Variants in ZNF521 observed in about 807,000 individuals in gnomAD.
ZNF521 encodes LYST-interacting protein 3.
In ZNF521, 14 loss-of-function variants were observed where a neutral mutation model predicts 105.5. The observed-to-expected ratio is 0.13, with a 90% CI of 0.09 to 0.21. ZNF521 has a LOEUF of 0.21. ZNF521 is among the 10% of genes least tolerant of loss of function. ZNF521 has a pLI of 1.00. For missense variants in ZNF521, 1,233 were observed against 1,629.7 expected, an observed-to-expected ratio of 0.76 and a Z score of 4.19; for synonymous variants, 635 against 606.0, an observed-to-expected ratio of 1.05 and a Z score of -0.70.
chr18:25,170,100 A>C (rs1160022050), intron 5 of ZNF521, among the ~76,000 whole-genome samples: 2 of 152,004 alleles, frequency 1.3e-5, no homozygotes, highest in East Asian at 3.9e-4. Context: ...AGATGTTAAT[A>C]GAAGTAGTTT....
intron 3 of ZNF521, among the ~76,000 whole-genome samples, chr18:25,312,929 A>G (rs1912399705): frequency 2.0e-5 from 3 of 152,138 alleles, no homozygotes; most frequent in Non-Finnish European, 4.4e-5. Flanking sequence ...GAACAAAGTG[A>G]CACACTCAGC....
chr18:25,267,902 C>G (rs1316920573), intron 3 of ZNF521, among the ~76,000 whole-genome samples: 3 of 152,094 alleles, frequency 2.0e-5, no homozygotes, highest in Non-Finnish European at 2.9e-5. Context: ...TCCTCACCAG[C>G]AAGGGAACAA....
intron 5 of ZNF521, among the ~76,000 whole-genome samples, chr18:25,167,006 T>C (rs952251371): frequency 1.8e-4 from 28 of 152,342 alleles, no homozygotes; most frequent in Non-Finnish European, 2.4e-4. Flanking sequence ...TTTATATATT[T>C]CTCATCACTG....
At chr18:25,183,178 T>C (rs981174963) in intron 5 of ZNF521, among the ~76,000 whole-genome samples, 1 of 152,178 alleles carries the variant, frequency 6.6e-6, no homozygotes, top group Non-Finnish European at 1.5e-5. Context: ...TACTATATCC[T>C]AATTTGATTT....
At chr18:25,081,958 T>C (rs1229197086) in intron 7 of ZNF521, among the ~76,000 whole-genome samples, 2 of 152,192 alleles carry the variant, frequency 1.3e-5, no homozygotes, top group Non-Finnish European at 2.9e-5. Context: ...TCAATCCTGA[T>C]TGAATTATCC....
intron 5 of ZNF521, among the ~76,000 whole-genome samples, chr18:25,130,466 C>T (rs1600073392): frequency 6.6e-6 from 1 of 152,146 alleles, no homozygotes; most frequent in East Asian, 1.9e-4. Context: ...AGAGTGAACC[C>T]TAATATAAAC....
chr18:25,213,305 T>C (rs1055995377), intron 4 of ZNF521, among the ~76,000 whole-genome samples: 3 of 150,902 alleles, frequency 2.0e-5, no homozygotes, highest in Admixed American at 1.3e-4. Context: ...AAAAAGTTTT[T>C]ATTAGGGTAA....
intron 5 of ZNF521, among the ~76,000 whole-genome samples, chr18:25,184,219 A>C (rs2035682124): frequency 6.6e-6 from 1 of 152,198 alleles, no homozygotes; most frequent in Non-Finnish European, 1.5e-5. Context: ...TTTTGTATAC[A>C]TTAAAATATT....
intron 5 of ZNF521, among the ~76,000 whole-genome samples, chr18:25,103,017 C>G (rs1418242141): frequency 2.0e-5 from 3 of 152,136 alleles, no homozygotes; most frequent in Non-Finnish European, 4.4e-5. Flanking sequence ...TCTCTCACCC[C>G]TTGAAAGCTT....
rs114303947 is a variant in ZNF521 at position 25,322,123 on chromosome 18, C to T, written c.105G>A (p.Pro35=). ...CGTCTTCCAACTCCTCCCCGTCTTC[C>T]GGCCTCTTCTTACAATCTAGTGCCT... ...DGEALDCKKR[P]EDGEELEDEA... The change falls in exon 3 of 8, where the codon CCG becomes CCA. Residue 35 remains proline, a synonymous_variant. Transcript: ENST00000361524. 8.1e-4 allele frequency: 1,303 copies of T among 1,614,150 alleles called. 11 individuals carry two copies. The African/African-American group carries it at 0.014, about 18-fold the overall frequency.
chr18:25,138,795 C>T (rs556281258), intron 5 of ZNF521, among the ~76,000 whole-genome samples: 1 of 152,256 alleles, frequency 6.6e-6, no homozygotes, highest in South Asian at 2.1e-4. Context: ...GGCTTGGCCT[C>T]ATTTCCACGT....
At chr18:25,149,816 T>C (rs2035012844) in intron 5 of ZNF521, among the ~76,000 whole-genome samples, 1 of 152,170 alleles carries the variant, frequency 6.6e-6, no homozygotes, top group Non-Finnish European at 1.5e-5. Context: ...GATGAGACAA[T>C]GGTGCTCATG....
intron 4 of ZNF521, chr18:25,202,105 G>T (rs1416140188): frequency 6.6e-6 from 1 of 152,094 alleles, no homozygotes; most frequent in African/African-American, 2.4e-5. Context: ...CCTTTTAAGT[G>T]AACTTTGGAA....
intron 5 of ZNF521, among the ~76,000 whole-genome samples, chr18:25,151,697 C>T (rs2035050929): frequency 6.6e-6 from 1 of 152,160 alleles, no homozygotes; most frequent in Admixed American, 6.5e-5. Flanking sequence ...TCAAGGCAGG[C>T]ATCATGCAGA....
At chr18:25,091,557 C>T (rs748464955) in intron 6 of ZNF521, among the ~76,000 whole-genome samples, 1 of 152,040 alleles carries the variant, frequency 6.6e-6, no homozygotes, top group Non-Finnish European at 1.5e-5. Context: ...AAGTAGCAGA[C>T]ATGCGCTGAC....
At chr18:25,069,652 TG>T (rs2033165255) in intron 7 of ZNF521, among the ~76,000 whole-genome samples, 1 of 152,206 alleles carries the variant, frequency 6.6e-6, no homozygotes, top group Admixed American at 6.5e-5. Context: ...TGCATTTTTG[TG>T]AGCTATGCTA....
intron 4 of ZNF521, among the ~76,000 whole-genome samples, chr18:25,212,565 A>G (rs61427352): frequency 0.012 from 1,328 of 112,730 alleles, 53 homozygotes; most frequent in African/African-American, 0.036. Context: ...ATATATATAT[A>G]TGTATAGAAA....
chr18:25,309,324 T>C (rs186583675), intron 3 of ZNF521, among the ~76,000 whole-genome samples: 42 of 152,296 alleles, frequency 2.8e-4, no homozygotes, highest in African/African-American at 9.9e-4. Flanking sequence ...GATGGTATTC[T>C]TTCTCCCAAC....
chr18:25,277,833 A>G (rs1392966318), intron 3 of ZNF521, among the ~76,000 whole-genome samples: 1 of 152,176 alleles, frequency 6.6e-6, no homozygotes, highest in Non-Finnish European at 1.5e-5. Flanking sequence ...AAGAAACAGG[A>G]GGAAAGAAAT....
Sources: allele counts gnomAD v4.1 joint callset (sites outside exome capture counted in the v4.1 genomes callset), GRCh38; gene constraint gnomAD v4.1.1; transcripts MANE v1.5; gene names NCBI Gene and HGNC (gene_info 2026-07-23, HGNC 2026-07-21).